The following ANKFY1 variants were observed in gnomAD, a reference collection of about 807,000 sequenced individuals.
The protein encoded by ANKFY1 is ankyrin repeat and FYVE domain-containing protein 1.
Under a neutral mutation model 128.3 loss-of-function variants are expected in ANKFY1, and 47 were observed. That is an observed-to-expected ratio of 0.37 (90% CI 0.29 to 0.47). The LOEUF (loss-of-function observed/expected upper bound fraction) is 0.47. Among genes scored for constraint, ANKFY1 ranks in the 20% least tolerant of loss-of-function variants. ANKFY1 has a pLI of 1.00. For missense variants in ANKFY1, 1,222 were observed against 1,510.6 expected (o/e 0.81, Z 3.17); for synonymous variants, 553 against 601.6 (o/e 0.92, Z 1.18).
intron 4 of ANKFY1, among the ~76,000 whole-genome samples, chr17:4,215,916 A>AAAAC (rs1244626297): frequency 1.6e-4 from 3 of 18,696 alleles, no homozygotes; most frequent in Non-Finnish European, 7.7e-4. Flanking sequence ...ACTCCTCACC[A>AAAAC]AAACAAACAA....
intron 3 of ANKFY1, among the ~76,000 whole-genome samples, chr17:4,218,585 C>A (rs2060258177): frequency 6.6e-6 from 1 of 152,056 alleles, no homozygotes; most frequent in Non-Finnish European, 1.5e-5. Context: ...TCTGTCTTTA[C>A]AAAAATTCAA....
At chr17:4,184,156 C>T (rs1315626093) in intron 12 of ANKFY1, among the ~76,000 whole-genome samples, 2 of 152,168 alleles carry the variant, frequency 1.3e-5, no homozygotes, top group Non-Finnish European at 2.9e-5. Flanking sequence ...AAATGGACTC[C>T]ATTACGGAAA....
chr17:4,261,134 A>C (rs953650234), intron 1 of ANKFY1, among the ~76,000 whole-genome samples: 11 of 152,230 alleles, frequency 7.2e-5, no homozygotes, highest in Admixed American at 5.2e-4. Flanking sequence ...TGAAGTCTGC[A>C]ACATCGTTTC....
intron 22 of ANKFY1, among the ~76,000 whole-genome samples, chr17:4,172,318 C>G (rs936246877): frequency 6.6e-6 from 1 of 152,082 alleles, no homozygotes; most frequent in Non-Finnish European, 1.5e-5. Context: ...GGTGGAGAGG[C>G]CTGTTTGGAG....
intron 3 of ANKFY1, among the ~76,000 whole-genome samples, chr17:4,233,115 A>G (rs1157069272): frequency 2.0e-5 from 3 of 152,212 alleles, no homozygotes; most frequent in African/African-American, 7.2e-5. Flanking sequence ...CACCTTCATG[A>G]GCCTCACAGC....
At chr17:4,248,587 A>G (rs1967681712) in intron 1 of ANKFY1, among the ~76,000 whole-genome samples, 1 of 152,172 alleles carries the variant, frequency 6.6e-6, no homozygotes, top group African/African-American at 2.4e-5. Context: ...TCCTCTGCCT[A>G]CTTATTCTTC....
intron 1 of ANKFY1, 112 bp from the exon 2 acceptor site, chr17:4,242,560 C>T (rs1039615869): frequency 2.2e-5 from 20 of 915,294 alleles, no homozygotes; most frequent in Middle Eastern, 2.9e-4. Flanking sequence ...GCCACTTGAC[C>T]GTTCCACTCT....
chr17:4,248,153 G>A (rs1410638466), intron 1 of ANKFY1, among the ~76,000 whole-genome samples: 1 of 152,144 alleles, frequency 6.6e-6, no homozygotes, highest in East Asian at 1.9e-4. Flanking sequence ...CTTAGAGCAG[G>A]TGTCCCCGAC....
chr17:4,212,833 T>A (rs2060157118), intron 4 of ANKFY1, among the ~76,000 whole-genome samples: 1 of 149,478 alleles, frequency 6.7e-6, no homozygotes, highest in Non-Finnish European at 1.5e-5. Context: ...TGCAGTGACA[T>A]GATCTTGGCT....
rs1322810166 is a variant in ANKFY1 at position 4,181,099 on chromosome 17, T to A, written c.2240+155A>T. ...CAAGTGAGCCTGGCTCCTGGCTGACTTGACATGACAGAACAGTGACTCTCT... is the reference window on the plus strand; with the variant it reads ...CAAGTGAGCCTGGCTCCTGGCTGACATGACATGACAGAACAGTGACTCTCT... On this transcript the variant is annotated intron_variant, in intron 16 of 24. Coordinates refer to ENST00000341657, the MANE Select transcript of ANKFY1 (RefSeq NM_001330063.2). The surrounding 1 kb of genome is among the most constrained non-coding windows in gnomAD (Gnocchi z 4.9). The A allele has an allele frequency of 8.1e-6, 5 of 613,772 alleles. No individual in the cohort carries two copies. The highest frequency in any genetic ancestry group is 2.9e-5 in the Admixed American group (1 of 34,544). 38.0% of individuals were successfully genotyped at this position (613,772 alleles called of 1,614,324 possible).
intron 2 of ANKFY1, among the ~76,000 whole-genome samples, chr17:4,240,579 A>G (rs1967157284): frequency 6.6e-6 from 1 of 151,826 alleles, no homozygotes; most frequent in Admixed American, 6.6e-5. Flanking sequence ...TTTAGTAGAG[A>G]CAGGGTGCCA....
At chr17:4,238,109 GA>G (rs1213593530) in intron 2 of ANKFY1, among the ~76,000 whole-genome samples, 4 of 135,594 alleles carry the variant, frequency 2.9e-5, no homozygotes, top group Non-Finnish European at 6.1e-5. Flanking sequence ...AGGAGTTTGA[GA>G]CCAGCCTGGG....
intron 16 of ANKFY1, among the ~76,000 whole-genome samples, chr17:4,180,628 G>A (rs12943517): frequency 0.23 from 34,130 of 150,472 alleles, 4,623 homozygotes; most frequent in Non-Finnish European, 0.3. Flanking sequence ...TTAGCCGGGC[G>A]TGGAGGCGGG....
intron 4 of ANKFY1, among the ~76,000 whole-genome samples, chr17:4,213,021 C>T (rs1037787972): frequency 4.6e-5 from 7 of 152,004 alleles, no homozygotes; most frequent in Admixed American, 2.0e-4. Context: ...ATGACCCGCC[C>T]GCCTCAGCCT....
At chr17:4,221,867 G>A (rs1393137787) in intron 3 of ANKFY1, among the ~76,000 whole-genome samples, 1 of 151,788 alleles carries the variant, frequency 6.6e-6, no homozygotes, top group East Asian at 2.0e-4. Flanking sequence ...TCTGCCCACT[G>A]TGGCCTCCCA....
chr17:4,204,392 G>A (rs992610224), intron 7 of ANKFY1, among the ~76,000 whole-genome samples: 1 of 152,224 alleles, frequency 6.6e-6, no homozygotes, highest in African/African-American at 2.4e-5. Flanking sequence ...AGAGTAAACA[G>A]ATGAGCTCAG....
intron 12 of ANKFY1, among the ~76,000 whole-genome samples, chr17:4,184,139 G>A (rs954142473): frequency 6.6e-6 from 1 of 152,092 alleles, no homozygotes; most frequent in Admixed American, 6.6e-5. Context: ...GACTCTTCAC[G>A]TAAGAAAAAT....
At chr17:4,241,509 C>T (rs1381538466) in intron 2 of ANKFY1, among the ~76,000 whole-genome samples, 2 of 151,374 alleles carry the variant, frequency 1.3e-5, no homozygotes, top group Admixed American at 6.6e-5. Context: ...CTCCTGACCT[C>T]GTGATCTGCC....
chr17:4,263,418 G>T (rs1352358349), intron 1 of ANKFY1, among the ~76,000 whole-genome samples: 1 of 152,164 alleles, frequency 6.6e-6, no homozygotes, highest in Non-Finnish European at 1.5e-5. Context: ...AGCCGGAGCC[G>T]CCAGTGCGCC....
Sources: allele counts gnomAD v4.1 joint callset (sites outside exome capture counted in the v4.1 genomes callset), GRCh38; gene constraint gnomAD v4.1.1; non-coding constraint Gnocchi (gnomAD v3.1); transcripts MANE v1.5; gene names NCBI Gene and HGNC (gene_info 2026-07-23, HGNC 2026-07-21).